KCNH7: variants seen among roughly 807,000 people sequenced by gnomAD.
KCNH7 encodes the protein potassium voltage-gated channel subfamily H member 7.
KCNH7 carries 49 observed loss-of-function variants against 120.8 expected under a neutral mutation model. The observed-to-expected ratio is 0.41, with a 90% CI of 0.32 to 0.51. KCNH7 has a LOEUF of 0.51. KCNH7 is among the 20% of genes least tolerant of loss of function. KCNH7 has a pLI of 0.38. For missense variants in KCNH7, 1,097 were observed against 1,446.6 expected, an observed-to-expected ratio of 0.76 and a Z score of 3.92; for synonymous variants, 547 against 516.1, an observed-to-expected ratio of 1.06 and a Z score of -0.81.
At chr2:162,715,082 T>C (rs1194042804) in intron 2 of KCNH7, among the ~76,000 whole-genome samples, 2 of 152,120 alleles carry the variant, frequency 1.3e-5, no homozygotes, top group East Asian at 3.9e-4. Flanking sequence ...ATGTCATAAG[T>C]TGGTATATTA....
At chr2:162,751,973 C>G (rs1170439453) in intron 2 of KCNH7, among the ~76,000 whole-genome samples, 1 of 151,904 alleles carries the variant, frequency 6.6e-6, no homozygotes, top group Non-Finnish European at 1.5e-5. Flanking sequence ...TAGTGATTTT[C>G]AAGAAAAAAT....
chr2:162,837,691 A>G (rs1365384332), intron 1 of KCNH7, among the ~76,000 whole-genome samples: 4 of 152,224 alleles, frequency 2.6e-5, no homozygotes, highest in Non-Finnish European at 5.9e-5. Flanking sequence ...TAATATATTT[A>G]TATAGCAACA....
intron 2 of KCNH7, among the ~76,000 whole-genome samples, chr2:162,794,248 A>G (rs566203218): frequency 3.3e-5 from 5 of 149,652 alleles, no homozygotes; most frequent in African/African-American, 1.3e-4. Context: ...GGAGGGAGAG[A>G]AGGAAGGAAG....
At chr2:162,765,729 C>A (rs1247024004) in intron 2 of KCNH7, among the ~76,000 whole-genome samples, 1 of 152,006 alleles carries the variant, frequency 6.6e-6, no homozygotes, top group Non-Finnish European at 1.5e-5. Flanking sequence ...TTTTACTTCA[C>A]CTTGATGACA....
At chr2:162,571,882 T>A (rs950000783) in intron 2 of KCNH7, among the ~76,000 whole-genome samples, 4 of 151,876 alleles carry the variant, frequency 2.6e-5, no homozygotes, top group African/African-American at 9.7e-5. Context: ...TTACACCTTA[T>A]ACAAAAATCA....
At chr2:162,519,495 A>G (rs1036076257) in intron 3 of KCNH7, among the ~76,000 whole-genome samples, 1 of 151,846 alleles carries the variant, frequency 6.6e-6, no homozygotes, top group African/African-American at 2.4e-5. Flanking sequence ...TGGGTTTGGA[A>G]GAAGGGAGAT....
chr2:162,612,911 T>A (rs1292082878), intron 2 of KCNH7, among the ~76,000 whole-genome samples: 1 of 152,024 alleles, frequency 6.6e-6, no homozygotes, highest in Non-Finnish European at 1.5e-5. Flanking sequence ...ATTACTAATA[T>A]GTTTTGAAAG....
chr2:162,796,378 AG>A (rs1684147232), intron 2 of KCNH7: 1 of 152,074 alleles, frequency 6.6e-6, no homozygotes, highest in Non-Finnish European at 1.5e-5. Context: ...ACCGTTTCCA[AG>A]TAAAAAAAAA....
chr2:162,410,421 A>G (rs1233931026), intron 9 of KCNH7, among the ~76,000 whole-genome samples: 7 of 152,056 alleles, frequency 4.6e-5, no homozygotes, highest in Non-Finnish European at 8.8e-5. Context: ...ATCAACAAAA[A>G]TTAGCTCAAG....
At chr2:162,554,310 T>C (rs541712180) in intron 2 of KCNH7, among the ~76,000 whole-genome samples, 56 of 152,308 alleles carry the variant, frequency 3.7e-4, no homozygotes, top group African/African-American at 1.3e-3. Flanking sequence ...GCAAATAGAA[T>C]AGATAAAGCT....
rs367713154 is a variant in KCNH7 at position 162,608,031 on chromosome 2, T to C, written c.308-70951A>G. ...AGACCTAATAAACGTTCCAAATTTA[T>C]ATTTCCTAGACAGTTTCATTCTATT... On this transcript the variant is annotated intron_variant, in intron 2 of 15. Transcript: ENST00000332142. 3.9e-5 allele frequency among the ~76,000 whole-genome samples: 6 copies of C among 152,344 alleles called. No individual in the cohort carries two copies. In the South Asian group the frequency reaches 1.0e-3, roughly 26 times the overall value.
intron 2 of KCNH7, among the ~76,000 whole-genome samples, chr2:162,643,754 C>T (rs1368910887): frequency 9.6e-5 from 13 of 135,464 alleles, no homozygotes; most frequent in Non-Finnish European, 1.8e-4. Flanking sequence ...TGCAGTGAGC[C>T]GAGATCATGC....
At chr2:162,806,925 T>C (rs968614308) in intron 2 of KCNH7, among the ~76,000 whole-genome samples, 77 of 152,208 alleles carry the variant, frequency 5.1e-4, no homozygotes, top group African/African-American at 1.8e-3. Context: ...TATAGATTAC[T>C]ACATAATCTA....
intron 2 of KCNH7, among the ~76,000 whole-genome samples, chr2:162,645,781 TC>T (rs1684337790): frequency 1.3e-5 from 2 of 152,188 alleles, no homozygotes; most frequent in African/African-American, 4.8e-5. Context: ...CAGCTCTCTG[TC>T]CTCTTTCCCA....
intron 2 of KCNH7, among the ~76,000 whole-genome samples, chr2:162,835,355 C>G (rs1035629455): frequency 6.6e-6 from 1 of 151,714 alleles, no homozygotes; most frequent in Non-Finnish European, 1.5e-5. Flanking sequence ...AGACTGAAAC[C>G]TTTTTCCTGC....
At chr2:162,373,903 A>T (rs887906755) in intron 14 of KCNH7, among the ~76,000 whole-genome samples, 2 of 152,238 alleles carry the variant, frequency 1.3e-5, no homozygotes, top group African/African-American at 4.8e-5. Flanking sequence ...AATCAAATGA[A>T]CAAAATAGAC....
At position 162,713,360 on chromosome 2, in the gene KCNH7, C is replaced by T. The variant is rs145702387; in HGVS notation, c.307+123177G>A. On this transcript the variant is annotated intron_variant, in intron 2 of 15. Transcript: ENST00000332142. ...TATCTGATGGACAGAGGACATGTCT[C>T]GTGGCTTGTACCTATGGCCAAAATT... Among the ~76,000 whole-genome samples, 93 of 152,260 alleles carry T rather than the reference C, an allele frequency of 6.1e-4. 1 individual carries two copies. Among genetic ancestry groups the T allele is most frequent in the African/African-American group, 2.2e-3 (90 of 41,544 alleles).
chr2:162,553,949 G>A (rs932279963), intron 2 of KCNH7, among the ~76,000 whole-genome samples: 1 of 152,124 alleles, frequency 6.6e-6, no homozygotes, highest in African/African-American at 2.4e-5. Flanking sequence ...TAAATAGAAG[G>A]TCTGTTGGTA....
intron 3 of KCNH7, among the ~76,000 whole-genome samples, chr2:162,520,425 C>A (rs1205571570): frequency 6.6e-6 from 1 of 151,644 alleles, no homozygotes; most frequent in African/African-American, 2.4e-5. Flanking sequence ...CACATTTGTA[C>A]CATTATTGTC....
Sources: gnomAD v4.1 joint callset for allele counts (sites outside exome capture counted in the v4.1 genomes callset) on GRCh38, gnomAD v4.1.1 for gene constraint, MANE v1.5 for transcripts, NCBI Gene and HGNC (gene_info 2026-07-23, HGNC 2026-07-21) for gene names.